Variants in CHN2 observed in about 807,000 individuals in gnomAD.
CHN2 encodes the protein chimerin 2, also known as beta-chimaerin.
In CHN2, 35 loss-of-function variants were observed where a neutral mutation model predicts 56.3. The observed-to-expected ratio is 0.62, with a 90% CI of 0.47 to 0.82. CHN2 has a LOEUF of 0.82. Ranked by LOEUF, CHN2 falls within the 40% of genes least tolerant of loss-of-function variation. The pLI, the probability that CHN2 is intolerant of heterozygous loss-of-function variation, is 0.00. For synonymous variants in CHN2, 210 were observed against 212.8 expected, an observed-to-expected ratio of 0.99 and a Z score of 0.12; for missense variants, 491 against 580.5, an observed-to-expected ratio of 0.85 and a Z score of 1.58.
chr7:29,429,753 T>C (rs1329291609), intron 6 of CHN2, among the ~76,000 whole-genome samples: 14 of 152,234 alleles, frequency 9.2e-5, no homozygotes, highest in Admixed American at 7.8e-4. Flanking sequence ...ATTTTTATAT[T>C]TGTTGTGACT....
At chr7:29,303,637 A>G (rs995788429) in intron 1 of CHN2, among the ~76,000 whole-genome samples, 3 of 152,246 alleles carry the variant, frequency 2.0e-5, no homozygotes, top group Non-Finnish European at 4.4e-5. Flanking sequence ...CCCAGCCTAT[A>G]GGACTTTCTT....
intron 6 of CHN2, among the ~76,000 whole-genome samples, chr7:29,434,988 G>A (rs1271099597): frequency 6.6e-6 from 1 of 152,052 alleles, no homozygotes; most frequent in Non-Finnish European, 1.5e-5. Context: ...AGCTACTCAG[G>A]AGCTGAGTTA....
At chr7:29,465,575 G>A (rs1265200605) in intron 6 of CHN2, among the ~76,000 whole-genome samples, 3 of 152,200 alleles carry the variant, frequency 2.0e-5, no homozygotes, top group South Asian at 4.1e-4. Flanking sequence ...ATGAAGGGTG[G>A]AAGCAGGAAT....
chr7:29,268,283 A>AACACACATACACACACAC (rs1554384916), intron 1 of CHN2, among the ~76,000 whole-genome samples: 2 of 134,170 alleles, frequency 1.5e-5, no homozygotes, highest in Non-Finnish European at 3.1e-5. Context: ...GCTTCACCAG[A>AACACACATACACACACAC]ACACACACAC....
At chr7:29,422,665 CAT>C (rs753793726) in intron 6 of CHN2, among the ~76,000 whole-genome samples, 12 of 152,170 alleles carry the variant, frequency 7.9e-5, no homozygotes, top group Middle Eastern at 3.2e-3. Context: ...TCTTTGGAAT[CAT>C]GTGGTATTTC....
chr7:29,511,704 CACA>C (rs1583462276), intron 12 of CHN2, among the ~76,000 whole-genome samples: 1 of 87,010 alleles, frequency 1.1e-5, no homozygotes, highest in East Asian at 2.6e-4. Context: ...ACAACCTAAA[CACA>C]TTTTAATTAT....
chr7:29,234,950 G>T (rs562456448), intron 1 of CHN2, among the ~76,000 whole-genome samples: 1 of 152,122 alleles, frequency 6.6e-6, no homozygotes, highest in Non-Finnish European at 1.5e-5. Flanking sequence ...AGCATAGGAG[G>T]GGGTATGCTG....
Position 29,328,339 on chromosome 7 carries a change from T to A in CHN2, c.50-26286T>A, listed in dbSNP as rs1795962715. On this transcript the variant is annotated intron_variant, in intron 1 of 12. Coordinates refer to ENST00000222792, the MANE Select transcript of CHN2 (RefSeq NM_004067.4). ...TAGTTCATTTTACTCTAGTTCAAAG[T>A]CTTTTTTTCTTTCCCCTTAGTCTCA... Among the ~76,000 whole-genome samples the A allele has an allele frequency of 2.0e-5, 3 of 152,332 alleles. No homozygotes were observed. The South Asian group carries it at 6.2e-4, about 32-fold the overall frequency.
chr7:29,195,034 C>T (rs1366939243), intron 1 of CHN2, 44 bp downstream of exon 1: 1 of 1,565,464 alleles, frequency 6.4e-7, no homozygotes, highest in Non-Finnish European at 8.7e-7. Flanking sequence ...CCGGGTCTCG[C>T]CCCACTGCCC....
intron 6 of CHN2, among the ~76,000 whole-genome samples, chr7:29,447,326 T>G (rs1430881120): frequency 6.6e-6 from 1 of 152,194 alleles, no homozygotes; most frequent in Non-Finnish European, 1.5e-5. Flanking sequence ...TAAAGTACAC[T>G]GCATGTGACT....
At chr7:29,379,497 A>G (rs976213717) in intron 3 of CHN2, among the ~76,000 whole-genome samples, 2 of 152,244 alleles carry the variant, frequency 1.3e-5, no homozygotes, top group African/African-American at 2.4e-5. Flanking sequence ...TCTGAAGTCT[A>G]TTTTTTAAAA....
At chr7:29,494,350 T>C (rs917186918) in intron 7 of CHN2, among the ~76,000 whole-genome samples, 5 of 152,156 alleles carry the variant, frequency 3.3e-5, no homozygotes, top group African/African-American at 4.8e-5. Context: ...GATTAACAAT[T>C]GACTTTGCTG....
At position 29,194,890 on chromosome 7, in the gene CHN2, G is replaced by T; in HGVS notation, c.-52G>T. The T allele has an allele frequency of 1.4e-6, 2 of 1,412,708 alleles. No homozygotes were observed. Among genetic ancestry groups the T allele is most frequent in the African/African-American group, 3.0e-5 (2 of 66,726 alleles). The allele number at this position is 1,412,708 out of a possible 1,614,324, so 87.5% of individuals were successfully genotyped here. On this transcript the variant is annotated 5_prime_UTR_variant, in exon 1 of 13. Transcript: ENST00000222792. ...CGAGCGGCCGGGCGAGGGCAGCGGC[G>T]GCGGCGTCCGCACCGGGGCTGAGCG...
At chr7:29,333,143 G>A (rs1184327476) in intron 1 of CHN2, among the ~76,000 whole-genome samples, 1 of 152,164 alleles carries the variant, frequency 6.6e-6, no homozygotes, top group Non-Finnish European at 1.5e-5. Flanking sequence ...GAAGTAGAGA[G>A]TAAGTGAAGG....
chr7:29,456,339 CT>C (rs1784748623), intron 6 of CHN2, among the ~76,000 whole-genome samples: 1 of 152,182 alleles, frequency 6.6e-6, no homozygotes. Flanking sequence ...ATGTTTGCTT[CT>C]TGAAGTGAGG....
chr7:29,352,418 C>T (rs1015107567), intron 1 of CHN2, among the ~76,000 whole-genome samples: 8 of 151,564 alleles, frequency 5.3e-5, no homozygotes, highest in African/African-American at 1.9e-4. Flanking sequence ...TTGAAGATGC[C>T]TTCAACATTT....
chr7:29,435,016 C>T (rs546621460), intron 6 of CHN2, among the ~76,000 whole-genome samples: 2 of 152,052 alleles, frequency 1.3e-5, no homozygotes, highest in East Asian at 1.9e-4. Context: ...AGCTTAAGCC[C>T]GGAAAGTCAA....
chr7:29,195,041 G>C, intron 1 of CHN2, 51 bp downstream of exon 1: 1 of 1,557,140 alleles, frequency 6.4e-7, no homozygotes, highest in Non-Finnish European at 8.7e-7. Flanking sequence ...TCGCCCCACT[G>C]CCCTCGCCCC....
chr7:29,174,136 C>T (rs1287159573), intron 2 of CHN2, among the ~76,000 whole-genome samples: 1 of 151,968 alleles, frequency 6.6e-6, no homozygotes, highest in Non-Finnish European at 1.5e-5. Flanking sequence ...GGAGAGACCC[C>T]CCCGTTTGGT....
Sources: gnomAD v4.1 joint callset for allele counts (sites outside exome capture counted in the v4.1 genomes callset) on GRCh38, gnomAD v4.1.1 for gene constraint, MANE v1.5 for transcripts, NCBI Gene and HGNC (gene_info 2026-07-23, HGNC 2026-07-21) for gene names.